SLIT3: variants seen among roughly 807,000 people sequenced by gnomAD.
SLIT3 encodes slit homolog 3 protein.
Under a neutral mutation model 184.0 loss-of-function variants are expected in SLIT3, and 68 were observed. The observed-to-expected ratio is 0.37, with a 90% CI of 0.30 to 0.45. SLIT3 has a LOEUF of 0.45. SLIT3 is among the 20% of genes least tolerant of loss of function. SLIT3 has a pLI of 1.00. For synonymous variants in SLIT3, 831 were observed against 828.6 expected (o/e 1.00, Z -0.05); for missense variants, 1,707 against 2,026.0 (o/e 0.84, Z 3.02).
intron 1 of SLIT3, among the ~76,000 whole-genome samples, chr5:169,256,889 A>G (rs1362953989): frequency 6.6e-6 from 1 of 152,120 alleles, no homozygotes; most frequent in Non-Finnish European, 1.5e-5. Context: ...CCTCCCTCCA[A>G]GTAGGGCTTA....
chr5:168,935,238 G>A (rs1364443295), intron 4 of SLIT3, among the ~76,000 whole-genome samples: 1 of 152,042 alleles, frequency 6.6e-6, no homozygotes, highest in Non-Finnish European at 1.5e-5. Flanking sequence ...GAGACTCAGA[G>A]AGGGTAACTA....
intron 4 of SLIT3, among the ~76,000 whole-genome samples, chr5:169,071,552 G>A (rs1303169587): frequency 6.6e-6 from 1 of 152,150 alleles, no homozygotes; most frequent in East Asian, 1.9e-4. Context: ...TTCTCACTCT[G>A]GAAGTTTCTT....
chr5:169,206,487 C>A (rs930918196), intron 3 of SLIT3, among the ~76,000 whole-genome samples: 2 of 152,152 alleles, frequency 1.3e-5, no homozygotes, highest in Non-Finnish European at 2.9e-5. Context: ...TAGTAGATAT[C>A]AGGGAGGGCA....
chr5:168,909,135 G>T (rs138783735), intron 4 of SLIT3, among the ~76,000 whole-genome samples: 1 of 152,194 alleles, frequency 6.6e-6, no homozygotes, highest in African/African-American at 2.4e-5. Context: ...GCCTGCATGC[G>T]TATGTGAATA....
chr5:168,939,331 G>A (rs990004348), intron 4 of SLIT3, among the ~76,000 whole-genome samples: 1 of 152,264 alleles, frequency 6.6e-6, no homozygotes, highest in Admixed American at 6.5e-5. Context: ...GGAAGAGCAC[G>A]GATGTATACT....
chr5:168,718,957 A>C (rs1360842445), intron 23 of SLIT3, among the ~76,000 whole-genome samples: 4 of 152,244 alleles, frequency 2.6e-5, no homozygotes, highest in African/African-American at 9.6e-5. Flanking sequence ...GTTCAAATGC[A>C]GTTGCAGATA....
At chr5:169,266,128 A>G (rs1279494418) in intron 1 of SLIT3, among the ~76,000 whole-genome samples, 4 of 152,080 alleles carry the variant, frequency 2.6e-5, no homozygotes, top group Admixed American at 2.6e-4. Context: ...GAAATCTCAA[A>G]CCCTTCCAAA....
chr5:169,085,696 C>T (rs377261673), intron 4 of SLIT3, among the ~76,000 whole-genome samples: 57 of 152,178 alleles, frequency 3.7e-4, no homozygotes, highest in Admixed American at 3.9e-4. Flanking sequence ...CAAGACAAAT[C>T]GTCGTCTTAA....
intron 4 of SLIT3, among the ~76,000 whole-genome samples, chr5:168,919,035 T>C (rs959070211): frequency 2.0e-5 from 3 of 151,770 alleles, no homozygotes; most frequent in Non-Finnish European, 4.4e-5. Flanking sequence ...CTGAGGCGGG[T>C]GGATCACGAG....
intron 3 of SLIT3, among the ~76,000 whole-genome samples, chr5:169,240,642 T>C (rs1765372638): frequency 6.6e-6 from 1 of 150,430 alleles, no homozygotes; most frequent in Admixed American, 6.6e-5. Context: ...GTTATTCTTT[T>C]GTAAAAAGTA....
Position 168,707,850 on chromosome 5 carries a change from C to T in SLIT3, c.2844+126G>A, listed in dbSNP as rs73322482. ...TGCTGCTTTGGAGTGGTGACCTGTG[C>T]GATGGACTCATCCAGGCTGTCCCTT... On this transcript the variant is annotated intron_variant, in intron 26 of 35. Transcript: ENST00000519560. 4.5e-3 allele frequency: 5,316 copies of T among 1,175,560 alleles called. 148 individuals are homozygous for T. The African/African-American group carries it at 0.064, about 14-fold the overall frequency. The allele number at this position is 1,175,560 out of a possible 1,614,324, so 72.8% of individuals were successfully genotyped here. A position where few individuals can be genotyped will look rare whatever the true frequency, so the allele number is the denominator to read the frequency against.
rs181393613 is a variant in SLIT3 at position 168,968,781 on chromosome 5, A to G, written c.414-85445T>C. ...ACTGAGCATGATCTACATGAAACTC[A>G]GGAAAATTTAAAGGCTTTGACTCAG... On this transcript the variant is annotated intron_variant, in intron 4 of 35. Transcript: ENST00000519560. 2.2e-4 allele frequency among the ~76,000 whole-genome samples: 33 copies of G among 152,274 alleles called. No individual in the cohort carries two copies. In the East Asian group the frequency reaches 6.2e-3, roughly 29 times the overall value.
At chr5:169,293,279 G>T (rs1228138771) in intron 1 of SLIT3, among the ~76,000 whole-genome samples, 1 of 152,028 alleles carries the variant, frequency 6.6e-6, no homozygotes, top group Non-Finnish European at 1.5e-5. Context: ...TAGGATTGTG[G>T]TTTTTTTAAT....
intron 18 of SLIT3, among the ~76,000 whole-genome samples, chr5:168,751,239 C>G (rs1754690647): frequency 6.6e-6 from 1 of 152,186 alleles, no homozygotes; most frequent in African/African-American, 2.4e-5. Context: ...GGCTTTGATT[C>G]CAAGTGCAGT....
chr5:169,263,752 G>T, intron 1 of SLIT3: 6 of 489,162 alleles, frequency 1.2e-5, no homozygotes, highest in South Asian at 9.0e-5. Flanking sequence ...TCCCTTCCCT[G>T]AACTTCTGAA....
In SLIT3 at chr5:169,300,487, G is replaced by T; in HGVS notation, c.197+26C>A. ...TCGGTGGGACCCAGGTGGGTGGCCC[G>T]CGTGGGGTGGGGCAGGGGTACTCAC... On this transcript the variant is annotated intron_variant, in intron 1 of 35. Coordinates refer to ENST00000519560, the MANE Select transcript of SLIT3 (RefSeq NM_003062.4). This position sits in a 1 kb window ranked among gnomAD's most constrained non-coding sequence, Gnocchi z 4.1. The T allele has an allele frequency of 6.9e-7, 1 of 1,448,380 alleles. No homozygotes were observed. The allele number at this position is 1,448,380 out of a possible 1,614,324, so 89.7% of individuals were successfully genotyped here. A position where few individuals can be genotyped will look rare whatever the true frequency, so the allele number is the denominator to read the frequency against.
chr5:169,092,816 A>G (rs1268215557), intron 4 of SLIT3, among the ~76,000 whole-genome samples: 1 of 152,056 alleles, frequency 6.6e-6, no homozygotes, highest in East Asian at 1.9e-4. Flanking sequence ...CCTGAGCCCA[A>G]TTCTTCAGAT....
rs1418357653 is a variant in SLIT3, at chr5:168,673,172, A to G, written c.3841+5T>C. ...GGTAGAGGTGGTAGGGAAAGAGGGCATTACCTCCAAGGTAGAGGGGGCTGT... is the reference window on the plus strand; with the variant it reads ...GGTAGAGGTGGTAGGGAAAGAGGGCGTTACCTCCAAGGTAGAGGGGGCTGT... On this transcript the variant is annotated splice_donor_5th_base_variant and intron_variant, in intron 33 of 35. Transcript: ENST00000519560. 6.2e-7 allele frequency: 1 copy of G among 1,613,498 alleles called. No individual in the cohort carries two copies. The highest frequency in any genetic ancestry group is 8.5e-7 in the Non-Finnish European group (1 of 1,179,670).
At chr5:168,776,594 G>A (rs759485417) in intron 12 of SLIT3, among the ~76,000 whole-genome samples, 1 of 152,126 alleles carries the variant, frequency 6.6e-6, no homozygotes, top group African/African-American at 2.4e-5. Flanking sequence ...TCTCTAGAGG[G>A]CTCAGTTTCT....
Sources: gnomAD v4.1 joint callset for allele counts (sites outside exome capture counted in the v4.1 genomes callset) on GRCh38, gnomAD v4.1.1 for gene constraint, Gnocchi (gnomAD v3.1) non-coding constraint, MANE v1.5 for transcripts, NCBI Gene and HGNC (gene_info 2026-07-23, HGNC 2026-07-21) for gene names.